CNTNAP5: variants seen among roughly 807,000 people sequenced by gnomAD.
CNTNAP5 encodes the protein contactin-associated protein-like 5.
Under a neutral mutation model 150.2 loss-of-function variants are expected in CNTNAP5, and 72 were observed. The observed-to-expected ratio is 0.48, with a 90% confidence interval of 0.40 to 0.58. CNTNAP5 has a LOEUF of 0.58. CNTNAP5 is among the 20% of genes least tolerant of loss of function. CNTNAP5 has a pLI of 0.00. For synonymous variants in CNTNAP5, 672 were observed against 619.8 expected (o/e 1.08, Z -1.25); for missense variants, 1,636 against 1,626.2 (o/e 1.01, Z -0.10).
intron 11 of CNTNAP5, among the ~76,000 whole-genome samples, chr2:124,578,281 G>C (rs1015484652): frequency 5.4e-5 from 8 of 147,674 alleles, no homozygotes; most frequent in Non-Finnish European, 1.2e-4. Context: ...AGTGAGCTGA[G>C]ATGGAACCAC....
intron 3 of CNTNAP5, among the ~76,000 whole-genome samples, chr2:124,293,271 G>A (rs187004806): frequency 6.6e-5 from 10 of 151,936 alleles, no homozygotes; most frequent in Admixed American, 1.3e-4. Context: ...AACAGAAATG[G>A]GTATCTCTCC....
intron 1 of CNTNAP5, among the ~76,000 whole-genome samples, chr2:124,177,035 A>T (rs1343780959): frequency 6.6e-6 from 1 of 151,652 alleles, no homozygotes; most frequent in Non-Finnish European, 1.5e-5. Flanking sequence ...TCTAGTAGAG[A>T]TGAGGTTTCA....
chr2:124,578,518 C>T (rs1044956852), intron 11 of CNTNAP5, among the ~76,000 whole-genome samples: 18 of 152,086 alleles, frequency 1.2e-4, no homozygotes, highest in Non-Finnish European at 2.5e-4. Context: ...AGGGAGACAG[C>T]ATCCCTACTT....
chr2:124,722,690 G>A (rs1007091076), intron 13 of CNTNAP5, among the ~76,000 whole-genome samples: 13 of 152,144 alleles, frequency 8.5e-5, no homozygotes, highest in African/African-American at 1.7e-4. Context: ...CTGAGATTAA[G>A]GGGGTAGCCT....
chr2:124,587,605 T>C (rs1696566767), intron 11 of CNTNAP5, among the ~76,000 whole-genome samples: 1 of 152,154 alleles, frequency 6.6e-6, no homozygotes, highest in South Asian at 2.1e-4. Flanking sequence ...TCAGGGGGAT[T>C]GTTGCAATAG....
rs1694223136 is a variant in CNTNAP5 at position 124,499,316 on chromosome 2, G to T, written c.1063-4976G>T. Among the ~76,000 whole-genome samples, 4 of 152,160 alleles carry T rather than the reference G, an allele frequency of 2.6e-5. No individual in the cohort carries two copies. In the South Asian group the frequency reaches 8.3e-4, roughly 32 times the overall value. On this transcript the variant is annotated intron_variant, in intron 7 of 23. Coordinates refer to ENST00000682447, the MANE Select transcript of CNTNAP5 (RefSeq NM_001367498.1). ...AGCTAATTATTACAAGGCAGTATAA[G>T]AAACATAATAGATTTCCACAGGTAG...
intron 3 of CNTNAP5, among the ~76,000 whole-genome samples, chr2:124,256,874 T>C (rs1343216082): frequency 6.6e-6 from 1 of 152,168 alleles, no homozygotes; most frequent in Non-Finnish European, 1.5e-5. Flanking sequence ...CCAGATGTGA[T>C]GTTATGTAGG....
At chr2:124,729,256 G>A (rs1055756577) in intron 13 of CNTNAP5, among the ~76,000 whole-genome samples, 7 of 152,014 alleles carry the variant, frequency 4.6e-5, no homozygotes, top group Admixed American at 2.0e-4. Context: ...TTTCTTAGTT[G>A]AGAACTCTAA....
rs570858002 is a variant in CNTNAP5 at position 124,698,974 on chromosome 2, A to G, written c.2078-48255A>G. ...TTCTGTATGATGATGGACATGTTCTATTCTGCATTTTCCAGAATTGTAGCC... is the reference window on the plus strand; with the variant it reads ...TTCTGTATGATGATGGACATGTTCTGTTCTGCATTTTCCAGAATTGTAGCC... On this transcript the variant is annotated intron_variant, in intron 13 of 23. Transcript: ENST00000682447. 8.5e-5 allele frequency among the ~76,000 whole-genome samples: 13 copies of G among 152,268 alleles called. No individual in the cohort carries two copies. In the South Asian group the frequency reaches 2.5e-3, roughly 29 times the overall value.
chr2:124,044,607 G>C (rs1036303364), intron 1 of CNTNAP5, among the ~76,000 whole-genome samples: 4 of 152,032 alleles, frequency 2.6e-5, no homozygotes, highest in Non-Finnish European at 4.4e-5. Context: ...GAGTCCCACA[G>C]GTCTTGGGTT....
At chr2:124,252,533 G>T (rs1371223032) in intron 3 of CNTNAP5, among the ~76,000 whole-genome samples, 1 of 152,090 alleles carries the variant, frequency 6.6e-6, no homozygotes, top group East Asian at 1.9e-4. Context: ...CTTGAGTCTT[G>T]TTTCTTTTTC....
chr2:124,209,385 A>G (rs1345997517), intron 1 of CNTNAP5, among the ~76,000 whole-genome samples: 1 of 152,120 alleles, frequency 6.6e-6, no homozygotes, highest in Non-Finnish European at 1.5e-5. Context: ...GGCTGAGATG[A>G]TTTTTGCAAA....
chr2:124,222,321 AT>A (rs1686342137), intron 2 of CNTNAP5, among the ~76,000 whole-genome samples: 1 of 152,126 alleles, frequency 6.6e-6, no homozygotes, highest in African/African-American at 2.4e-5. Flanking sequence ...TATCTTTAAC[AT>A]CTGTGTGAAG....
In CNTNAP5 at chr2:124,035,973, G is replaced by A. The variant is rs887160580; in HGVS notation, c.82+10241G>A. ...CGCTCTGTCGCCCAGGCCGGACTGCGGACTGCAGTGGCGCAATCTCGGCTC... is the reference window on the plus strand; with the variant it reads ...CGCTCTGTCGCCCAGGCCGGACTGCAGACTGCAGTGGCGCAATCTCGGCTC... On this transcript the variant is annotated intron_variant, in intron 1 of 23. Transcript: ENST00000682447. Among the ~76,000 whole-genome samples, 182 of 131,890 alleles carry A rather than the reference G, an allele frequency of 1.4e-3. 3 individuals are homozygous for A. Among genetic ancestry groups the A allele is most frequent in the Admixed American group, 0.012 (135 of 11,378 alleles). The allele number at this position is 131,890 out of a possible 152,430, so 86.5% of individuals were successfully genotyped here.
At chr2:124,496,894 C>A (rs1376577896) in intron 7 of CNTNAP5, among the ~76,000 whole-genome samples, 1 of 152,210 alleles carries the variant, frequency 6.6e-6, no homozygotes, top group Non-Finnish European at 1.5e-5. Flanking sequence ...CAGATGCATT[C>A]TCCTTTCAGT....
intron 12 of CNTNAP5, among the ~76,000 whole-genome samples, chr2:124,634,908 C>T (rs1677940733): frequency 6.6e-6 from 1 of 152,146 alleles, no homozygotes; most frequent in Non-Finnish European, 1.5e-5. Context: ...TAGGAAGTTC[C>T]AAACTTTCCT....
At chr2:124,097,811 G>A (rs1043184061) in intron 1 of CNTNAP5, among the ~76,000 whole-genome samples, 3 of 152,254 alleles carry the variant, frequency 2.0e-5, no homozygotes, top group Non-Finnish European at 2.9e-5. Flanking sequence ...GGAGGATCAC[G>A]AGGTCAGGAG....
intron 1 of CNTNAP5, among the ~76,000 whole-genome samples, chr2:124,057,471 T>C (rs1263443082): frequency 7.3e-6 from 1 of 137,798 alleles, no homozygotes. Flanking sequence ...TTTTTTTTTT[T>C]AGTAGAGATG....
intron 1 of CNTNAP5, among the ~76,000 whole-genome samples, chr2:124,214,572 C>A (rs1381916914): frequency 6.6e-6 from 1 of 152,112 alleles, no homozygotes; most frequent in African/African-American, 2.4e-5. Flanking sequence ...ATAACCCGTG[C>A]CGTTATAAAG....
Sources: gnomAD v4.1 joint callset for allele counts (sites outside exome capture counted in the v4.1 genomes callset) on GRCh38, gnomAD v4.1.1 for gene constraint, MANE v1.5 for transcripts, NCBI Gene and HGNC (gene_info 2026-07-23, HGNC 2026-07-21) for gene names.